Variants in RIC8B observed in about 807,000 individuals in gnomAD.
RIC8B encodes the protein RIC8 guanine nucleotide exchange factor B.
In RIC8B, 16 loss-of-function variants were observed where a neutral mutation model predicts 57.5. That is an observed-to-expected ratio of 0.28 (90% CI 0.19 to 0.42). RIC8B has a LOEUF of 0.42. RIC8B is among the 10% of genes least tolerant of loss of function. The pLI, the probability that RIC8B is intolerant of heterozygous loss-of-function variation, is 1.00. For missense variants in RIC8B, 481 were observed against 677.0 expected (o/e 0.71, Z 3.21); for synonymous variants, 216 against 250.8 (o/e 0.86, Z 1.31).
chr12:106,794,354 CAGA>C (rs2044382273), intron 2 of RIC8B, among the ~76,000 whole-genome samples: 1 of 151,788 alleles, frequency 6.6e-6, no homozygotes. Flanking sequence ...ATGGGAATAC[CAGA>C]AGGAGAGGAG....
rs140844985 is a variant in RIC8B, at chr12:106,814,525, T to A, written c.133-171T>A. Among the ~76,000 whole-genome samples the A allele has an allele frequency of 2.5e-3, 382 of 152,368 alleles. 1 individual carries two copies. The highest frequency in any genetic ancestry group is 8.4e-3 in the African/African-American group (349 of 41,594). ...TATGATTCAAACTGATTGTCTTCCA[T>A]CCTGATGGTGACCTTATATTTCAGT... On this transcript the variant is annotated intron_variant, in intron 2 of 9. Coordinates refer to ENST00000392837, the MANE Select transcript of RIC8B (RefSeq NM_001330145.2).
rs1040094252 is a variant in RIC8B, at chr12:106,804,270, A to G, written c.133-10426A>G. On this transcript the variant is annotated intron_variant, in intron 2 of 9. Transcript: ENST00000392837. ...CGCTCTGTCGCCCAGGCTGGAGTGC[A>G]ATGGCGTGATCTCTGCTCACTGCAG... 2.7e-5 allele frequency among the ~76,000 whole-genome samples: 4 copies of G among 149,570 alleles called. No homozygotes were observed. The South Asian group carries it at 8.4e-4, about 31-fold the overall frequency.
At chr12:106,786,385 G>A (rs1303529641) in intron 2 of RIC8B, among the ~76,000 whole-genome samples, 2 of 152,032 alleles carry the variant, frequency 1.3e-5, no homozygotes, top group Non-Finnish European at 2.9e-5. Flanking sequence ...TCCTGAGCTC[G>A]TGATCTGCCC....
intron 1 of RIC8B, among the ~76,000 whole-genome samples, chr12:106,777,079 T>C (rs2043530304): frequency 1.3e-5 from 2 of 152,198 alleles, no homozygotes; most frequent in Non-Finnish European, 2.9e-5. Context: ...CCCAGGCTGC[T>C]CTCAAACTGC....
chr12:106,805,368 T>G (rs2044959040), intron 2 of RIC8B, among the ~76,000 whole-genome samples: 1 of 152,190 alleles, frequency 6.6e-6, no homozygotes, highest in Non-Finnish European at 1.5e-5. Flanking sequence ...CTGGGCGCCA[T>G]GGCTCACTGC....
chr12:106,785,614 T>C (rs2043967879), intron 2 of RIC8B, among the ~76,000 whole-genome samples: 2 of 152,094 alleles, frequency 1.3e-5, no homozygotes, highest in African/African-American at 4.8e-5. Flanking sequence ...AACTCTGACT[T>C]TCTTTTGGAT....
intron 1 of RIC8B, among the ~76,000 whole-genome samples, chr12:106,782,263 CCTT>C (rs1389313562): frequency 6.6e-6 from 1 of 152,100 alleles, no homozygotes; most frequent in Non-Finnish European, 1.5e-5. Context: ...ATTATTCTCT[CCTT>C]CTAGATCAGT....
intron 4 of RIC8B, among the ~76,000 whole-genome samples, chr12:106,832,339 G>A (rs1031936860): frequency 1.2e-4 from 18 of 152,082 alleles, no homozygotes; most frequent in Admixed American, 2.0e-4. Context: ...AGGCCAAGGC[G>A]GGTGGATCGC....
chr12:106,835,470 G>A (rs911597053), intron 4 of RIC8B, among the ~76,000 whole-genome samples: 4 of 152,172 alleles, frequency 2.6e-5, no homozygotes, highest in African/African-American at 9.7e-5. Context: ...GTGCCAGGCA[G>A]AATGCTTTGC....
chr12:106,812,647 C>T (rs1178034456), intron 2 of RIC8B, among the ~76,000 whole-genome samples: 2 of 151,316 alleles, frequency 1.3e-5, no homozygotes, highest in Non-Finnish European at 3.0e-5. Context: ...TGATCTGACT[C>T]CACCCCCAGG....
chr12:106,870,833 A>G lies in RIC8B; in HGVS notation c.1462A>G (p.Ile488Val). 2 of 1,525,178 alleles carry G rather than the reference A, an allele frequency of 1.3e-6. No homozygotes were observed. The highest frequency in any genetic ancestry group is 2.5e-5 in the South Asian group (2 of 79,316). 94.5% of individuals were successfully genotyped at this position (1,525,178 alleles called of 1,614,324 possible). A position where few individuals can be genotyped will look rare whatever the true frequency, so the allele number is the denominator to read the frequency against. Residue 488 changes from isoleucine to valine, a missense_variant, in exon 9 of 10, where the codon ATC (isoleucine) becomes GTC (valine). By Grantham distance (29) the Ile-to-Val change is conservative. This residue lies in a region of RIC8B where 43 missense variants were observed against 99.8 expected (regional missense o/e 0.43). Coordinates refer to ENST00000392837, the MANE Select transcript of RIC8B (RefSeq NM_001330145.2). ...TTTTTCTTTTTGTAGCATTAATCTT[A>G]TCACTGGTCATTTAGAGGAACCAAT... Reference protein sequence around the residue: ...YKNAKPNINLITGHLEEPMPN... With the variant: ...YKNAKPNINLVTGHLEEPMPN...
intron 4 of RIC8B, among the ~76,000 whole-genome samples, chr12:106,834,194 T>A (rs1022291522): frequency 3.3e-5 from 5 of 152,238 alleles, no homozygotes; most frequent in African/African-American, 9.6e-5. Context: ...TACAGATAAT[T>A]TCCAGTTTTT....
At chr12:106,878,881 C>T (rs1950797218) in intron 9 of RIC8B, 2 of 570,998 alleles carry the variant, frequency 3.5e-6, no homozygotes, top group Middle Eastern at 9.3e-4. Context: ...ATAAAAGGAT[C>T]GGAACTATTA....
At position 106,886,984 on chromosome 12, in the gene RIC8B, A is replaced by T. The variant is rs1951209311; in HGVS notation, c.*969A>T. On this transcript the variant is annotated 3_prime_UTR_variant, in exon 10 of 10. Transcript: ENST00000392837. ...GAGTTCTACGTTTCTACCATATGTG[A>T]TCAGTTTAATAGTAACTTTATTTAT... 1 of 152,494 alleles carries T rather than the reference A, an allele frequency of 6.6e-6. No individual in the cohort carries two copies. Among genetic ancestry groups the T allele is most frequent in the Non-Finnish European group, 1.5e-5 (1 of 68,024 alleles). The allele number at this position is 152,494 out of a possible 1,614,324, so 9.4% of individuals were successfully genotyped here. A position where few individuals can be genotyped will look rare whatever the true frequency, so the allele number is the denominator to read the frequency against.
intron 4 of RIC8B, among the ~76,000 whole-genome samples, chr12:106,837,956 C>T (rs540280635): frequency 2.6e-5 from 4 of 151,980 alleles, no homozygotes; most frequent in South Asian, 2.1e-4. Context: ...TCGTTCTTTT[C>T]GTTGCCTGAA....
chr12:106,783,602 A>C (rs1346351606), intron 1 of RIC8B, among the ~76,000 whole-genome samples: 1 of 152,188 alleles, frequency 6.6e-6, no homozygotes, highest in Non-Finnish European at 1.5e-5. Context: ...CCAGTCTCAC[A>C]AAGTTGCTTA....
chr12:106,869,529 C>G (rs909580223), intron 8 of RIC8B, among the ~76,000 whole-genome samples: 8 of 151,994 alleles, frequency 5.3e-5, no homozygotes, highest in Non-Finnish European at 8.8e-5. Flanking sequence ...ATATTTGACC[C>G]TCTCACTCAC....
At chr12:106,787,646 AG>A (rs2044092547) in intron 2 of RIC8B, among the ~76,000 whole-genome samples, 1 of 152,122 alleles carries the variant, frequency 6.6e-6, no homozygotes, top group Non-Finnish European at 1.5e-5. Context: ...TGGTGGCAAG[AG>A]AGAAAAATGA....
At chr12:106,860,444 T>C (rs1949883169) in intron 8 of RIC8B, 32 bp downstream of exon 8, 1 of 1,428,008 alleles carries the variant, frequency 7.0e-7, no homozygotes, top group East Asian at 2.6e-5. Flanking sequence ...CACCTAACTA[T>C]GGCTGTGCCT....
Sources: allele counts gnomAD v4.1 joint callset (sites outside exome capture counted in the v4.1 genomes callset), GRCh38; gene constraint gnomAD v4.1.1; regional missense constraint gnomAD v4.1.1; transcripts MANE v1.5; gene names NCBI Gene and HGNC (gene_info 2026-07-23, HGNC 2026-07-21).